Variants in CTNNA2 observed in about 807,000 individuals in gnomAD.
CTNNA2 encodes catenin alpha 2.
Under a neutral mutation model 101.0 loss-of-function variants are expected in CTNNA2, and 42 were observed. The observed-to-expected ratio is 0.42, with a 90% CI of 0.32 to 0.54. The LOEUF (loss-of-function observed/expected upper bound fraction) is 0.54. Ranked by LOEUF, CTNNA2 falls within the 20% of genes least tolerant of loss-of-function variation. CTNNA2 has a pLI of 0.14. For synonymous variants in CTNNA2, 450 were observed against 456.4 expected (o/e 0.99, Z 0.18); for missense variants, 871 against 1,223.1 (o/e 0.71, Z 4.29).
At chr2:80,091,050 G>A (rs1178348648) in intron 7 of CTNNA2, among the ~76,000 whole-genome samples, 1 of 152,078 alleles carries the variant, frequency 6.6e-6, no homozygotes, top group Non-Finnish European at 1.5e-5. Context: ...TAACATATGA[G>A]TGTCAGAGAG....
intron 5 of CTNNA2, among the ~76,000 whole-genome samples, chr2:79,506,369 C>T (rs1318279998): frequency 6.6e-6 from 1 of 151,596 alleles, no homozygotes; most frequent in African/African-American, 2.4e-5. Context: ...GTTAAGTTGA[C>T]TTATACAAAG....
chr2:79,734,040 C>G (rs987954603), intron 2 of CTNNA2, among the ~76,000 whole-genome samples: 1 of 152,038 alleles, frequency 6.6e-6, no homozygotes, highest in African/African-American at 2.4e-5. Flanking sequence ...TTGTTTTAAC[C>G]TTAGTAAATG....
At chr2:79,185,685 G>A (rs1324864170) in intron 1 of CTNNA2, among the ~76,000 whole-genome samples, 1 of 152,182 alleles carries the variant, frequency 6.6e-6, no homozygotes, top group East Asian at 1.9e-4. Flanking sequence ...AAATACTAGA[G>A]AATGCTTATA....
At chr2:80,266,232 G>A (rs79696696) in intron 7 of CTNNA2, among the ~76,000 whole-genome samples, 7,504 of 152,294 alleles carry the variant, frequency 0.049, 256 homozygotes, top group Non-Finnish European at 0.07. Context: ...GCATCCTTAT[G>A]CTAATGTTCT....
intron 7 of CTNNA2, among the ~76,000 whole-genome samples, chr2:80,198,941 T>G (rs1036517552): frequency 7.9e-5 from 12 of 151,894 alleles, no homozygotes; most frequent in Admixed American, 5.2e-4. Flanking sequence ...CCAGCACATT[T>G]GGAGGCCAAG....
chr2:80,150,497 G>A (rs941863413), intron 7 of CTNNA2, among the ~76,000 whole-genome samples: 1 of 152,118 alleles, frequency 6.6e-6, no homozygotes, highest in Non-Finnish European at 1.5e-5. Flanking sequence ...GGAAAAGCCT[G>A]GAATACCACA....
chr2:79,913,921 AC>A (rs1420566673), intron 7 of CTNNA2, among the ~76,000 whole-genome samples: 8 of 151,174 alleles, frequency 5.3e-5, no homozygotes, highest in South Asian at 2.1e-4. Context: ...TAATCCCAGC[AC>A]TTTGGGAGGC....
At position 79,394,780 on chromosome 2, in the gene CTNNA2, TAA is replaced by T. The variant is rs202007845; in HGVS notation, c.-135+20773_-135+20774del. Among the ~76,000 whole-genome samples the T allele has an allele frequency of 6.8e-5, 7 of 102,516 alleles. No individual in the cohort carries two copies. The South Asian group carries it at 9.0e-4, about 13-fold the overall frequency. The allele number at this position is 102,516 out of a possible 152,430, so 67.3% of individuals were successfully genotyped here. On this transcript the variant is annotated intron_variant, in intron 4 of 21. Transcript: ENST00000466387. ...ATAGCAAAAGAGCTTTCGTTTTACT[TAA>T]AAAAATTTTTTTTGTATGCTAAATG... is the stretch of plus-strand genomic sequence containing the variant.
chr2:79,422,663 G>A (rs1373335269), intron 4 of CTNNA2, among the ~76,000 whole-genome samples: 2 of 152,278 alleles, frequency 1.3e-5, no homozygotes, highest in African/African-American at 2.4e-5. Flanking sequence ...TTCTCAGAAT[G>A]TATTAAAAAG....
intron 18 of CTNNA2, among the ~76,000 whole-genome samples, chr2:80,632,071 G>A (rs896724132): frequency 7.2e-5 from 11 of 152,036 alleles, no homozygotes; most frequent in African/African-American, 2.7e-4. Flanking sequence ...TTGATGTTCA[G>A]GGGCAGCCTG....
At chr2:80,443,581 G>A (rs1682794633) in intron 9 of CTNNA2, among the ~76,000 whole-genome samples, 1 of 152,150 alleles carries the variant, frequency 6.6e-6, no homozygotes, top group Non-Finnish European at 1.5e-5. Context: ...GTAGTATAGT[G>A]TGTGGTTAAG....
At chr2:80,258,082 A>C (rs923735705) in intron 7 of CTNNA2, among the ~76,000 whole-genome samples, 1 of 152,214 alleles carries the variant, frequency 6.6e-6, no homozygotes, top group African/African-American at 2.4e-5. Flanking sequence ...TTAACAATCT[A>C]ACATTTCACA....
chr2:80,114,571 CA>C (rs1573121107), intron 7 of CTNNA2, among the ~76,000 whole-genome samples: 1 of 152,162 alleles, frequency 6.6e-6, no homozygotes, highest in Non-Finnish European at 1.5e-5. Context: ...AATAAAGAAG[CA>C]GCAAATGTTC....
intron 3 of CTNNA2, among the ~76,000 whole-genome samples, chr2:79,799,581 G>A (rs1675999721): frequency 6.6e-6 from 1 of 152,028 alleles, no homozygotes; most frequent in Admixed American, 6.6e-5. Flanking sequence ...ACAAAGATTT[G>A]GAGGTATCAG....
chr2:79,493,209 A>G (rs1021618675), intron 4 of CTNNA2, among the ~76,000 whole-genome samples: 1 of 152,038 alleles, frequency 6.6e-6, no homozygotes, highest in Non-Finnish European at 1.5e-5. Flanking sequence ...GTAAGTAGAA[A>G]GAAAAACAGG....
At chr2:80,309,615 C>A (rs1163284823) in intron 7 of CTNNA2, among the ~76,000 whole-genome samples, 2 of 152,124 alleles carry the variant, frequency 1.3e-5, no homozygotes, top group Non-Finnish European at 2.9e-5. Flanking sequence ...TCAGAGGATA[C>A]TTGGGGTAAT....
chr2:80,194,799 A>C lies in CTNNA2; in HGVS notation c.1057-198412A>C, dbSNP rs995218582. ...ATTTGCAATTGATGAATCATGCTATATACATCTGTGTTTTTGTGTGTGTAT... is the reference window on the plus strand; with the variant it reads ...ATTTGCAATTGATGAATCATGCTATCTACATCTGTGTTTTTGTGTGTGTAT... On this transcript the variant is annotated intron_variant, in intron 7 of 18. Transcript: ENST00000402739. Among the ~76,000 whole-genome samples the C allele has an allele frequency of 3.3e-5, 5 of 150,758 alleles. No homozygotes were observed. The Admixed American group carries it at 3.3e-4, about 10-fold the overall frequency.
At chr2:79,959,719 C>T (rs1244779641) in intron 7 of CTNNA2, among the ~76,000 whole-genome samples, 1 of 152,218 alleles carries the variant, frequency 6.6e-6, no homozygotes, top group African/African-American at 2.4e-5. Context: ...AAGCCATTTA[C>T]ACAAGTAGGA....
intron 2 of CTNNA2, among the ~76,000 whole-genome samples, chr2:79,274,578 AT>A (rs1448161936): frequency 6.6e-6 from 1 of 152,054 alleles, no homozygotes; most frequent in African/African-American, 2.4e-5. Context: ...TCATTCAAGT[AT>A]TTTTTGAAAT....
Sources: allele counts gnomAD v4.1 joint callset (sites outside exome capture counted in the v4.1 genomes callset), GRCh38; gene constraint gnomAD v4.1.1; transcripts MANE v1.5; gene names NCBI Gene and HGNC (gene_info 2026-07-23, HGNC 2026-07-21).